TUSC3: variants seen among roughly 807,000 people sequenced by gnomAD.
TUSC3 encodes tumor suppressor candidate 3, also known as dolichyl-diphosphooligosaccharide--protein glycosyltransferase subunit TUSC3.
TUSC3 carries 45 observed loss-of-function variants against 44.8 expected under a neutral mutation model. The ratio of observed to expected loss-of-function variants is 1.00; its 90% CI spans 0.79 to 1.29. The LOEUF is 1.29. TUSC3 is among the 50% of genes most tolerant of loss of function. The pLI is 0.00. For missense variants in TUSC3, 519 were observed against 437.9 expected, an observed-to-expected ratio of 1.19 and a Z score of -1.65; for synonymous variants, 212 against 152.9, an observed-to-expected ratio of 1.39 and a Z score of -2.85.
chr8:15,757,445 T>C (rs942995407), intron 9 of TUSC3, among the ~76,000 whole-genome samples: 5 of 152,176 alleles, frequency 3.3e-5, no homozygotes, highest in African/African-American at 9.6e-5. Flanking sequence ...TATAGCAATT[T>C]TGCATTGATT....
chr8:15,474,267 T>G (rs961044424), intron 1 of TUSC3, among the ~76,000 whole-genome samples: 1 of 152,176 alleles, frequency 6.6e-6, no homozygotes, highest in Non-Finnish European at 1.5e-5. Flanking sequence ...GATTTCATAT[T>G]GTTCAAACAC....
chr8:15,691,082 G>T (rs1808880647), intron 6 of TUSC3, among the ~76,000 whole-genome samples: 1 of 151,606 alleles, frequency 6.6e-6, no homozygotes, highest in African/African-American at 2.4e-5. Flanking sequence ...TGAATTTGTG[G>T]ATTGCTTTGG....
At chr8:15,514,068 G>C (rs1801178651) in intron 2 of TUSC3, among the ~76,000 whole-genome samples, 1 of 152,074 alleles carries the variant, frequency 6.6e-6, no homozygotes, top group African/African-American at 2.4e-5. Context: ...TCCCTTCTAT[G>C]CGCCACCACT....
intron 2 of TUSC3, among the ~76,000 whole-genome samples, chr8:15,524,342 A>G (rs2129129969): frequency 1.3e-5 from 2 of 152,272 alleles, no homozygotes; most frequent in Middle Eastern, 3.4e-3. Context: ...TCATAGACTT[A>G]ATTTTCACTC....
chr8:15,847,609 C>A, the TUSC3 span, among the ~76,000 whole-genome samples: 1 of 152,124 alleles, frequency 6.6e-6, no homozygotes, highest in Non-Finnish European at 1.5e-5. Flanking sequence ...TTTTAAAGTA[C>A]TTTTAAAAAG....
In TUSC3 at chr8:15,446,175, C is replaced by T. The variant is rs185926371; in HGVS notation, n.91+28870C>T. On this transcript the variant is annotated intron_variant and non_coding_transcript_variant, in intron 1 of 5. Coordinates refer to the TUSC3 transcript ENST00000503191. ...GCTCCTCACATCCCAGACGGGGCAT[C>T]GGGGCAGAGGCGCTCCCCACATCTC... Among the ~76,000 whole-genome samples, 976 of 150,750 alleles carry T rather than the reference C, an allele frequency of 6.5e-3. 10 individuals carry two copies. The highest frequency in any genetic ancestry group is 0.022 in the African/African-American group (918 of 40,846).
chr8:15,485,214 T>C (rs1422249242), intron 2 of TUSC3, among the ~76,000 whole-genome samples: 1 of 152,228 alleles, frequency 6.6e-6, no homozygotes, highest in Non-Finnish European at 1.5e-5. Flanking sequence ...TTCCTCTGGC[T>C]GCACTTCTAG....
chr8:15,716,899 G>C (rs999789441), intron 6 of TUSC3, among the ~76,000 whole-genome samples: 1 of 151,560 alleles, frequency 6.6e-6, no homozygotes, highest in Non-Finnish European at 1.5e-5. Context: ...CTTCATTTGA[G>C]AAATTAAAAA....
At chr8:15,787,414 T>C in the TUSC3 span, among the ~76,000 whole-genome samples, 1 of 152,156 alleles carries the variant, frequency 6.6e-6, no homozygotes, top group Non-Finnish European at 1.5e-5. Context: ...CTGCATGAAA[T>C]CCCGTCAACA....
chr8:15,838,120 T>C, the TUSC3 span, among the ~76,000 whole-genome samples: 1 of 152,182 alleles, frequency 6.6e-6, no homozygotes, highest in African/African-American at 2.4e-5. Context: ...CCTGCGAATA[T>C]CACTTGTCTA....
chr8:15,462,596 A>G (rs1047135329), intron 1 of TUSC3, among the ~76,000 whole-genome samples: 3 of 152,124 alleles, frequency 2.0e-5, no homozygotes, highest in Non-Finnish European at 4.4e-5. Flanking sequence ...ACTATTTTGC[A>G]AAGAAGCTAA....
At chr8:15,449,269 T>G (rs571942622) in intron 1 of TUSC3, among the ~76,000 whole-genome samples, 2 of 152,134 alleles carry the variant, frequency 1.3e-5, no homozygotes, top group Non-Finnish European at 2.9e-5. Flanking sequence ...AAAGAAGGAA[T>G]GGGCACATGT....
At chr8:15,795,852 G>C in the TUSC3 span, among the ~76,000 whole-genome samples, 1 of 152,222 alleles carries the variant, frequency 6.6e-6, no homozygotes, top group African/African-American at 2.4e-5. Flanking sequence ...AGGTCAGCCA[G>C]TCCAATCTGT....
At chr8:15,848,410 T>C in the TUSC3 span, among the ~76,000 whole-genome samples, 1 of 152,176 alleles carries the variant, frequency 6.6e-6, no homozygotes, top group African/African-American at 2.4e-5. Flanking sequence ...TGTCTTTCCA[T>C]GCTTTAGACC....
At chr8:15,421,843 A>C (rs979386574) in intron 1 of TUSC3, among the ~76,000 whole-genome samples, 1 of 152,300 alleles carries the variant, frequency 6.6e-6, no homozygotes, top group South Asian at 2.1e-4. Context: ...AAAAAAATTC[A>C]ATTTAAACTA....
At chr8:15,781,861 G>A in the TUSC3 span, among the ~76,000 whole-genome samples, 6 of 152,258 alleles carry the variant, frequency 3.9e-5, no homozygotes, top group East Asian at 1.9e-4. Flanking sequence ...GGATGGGCAC[G>A]GTGGCTCATG....
intron 10 of TUSC3, chr8:15,758,372 C>T: frequency 2.9e-6 from 1 of 348,886 alleles, no homozygotes; most frequent in Non-Finnish European, 4.0e-6. Context: ...AAATTACTGT[C>T]AATTTTATAT....
At chr8:15,608,189 A>T (rs1804614804) in intron 1 of TUSC3, among the ~76,000 whole-genome samples, 1 of 152,140 alleles carries the variant, frequency 6.6e-6, no homozygotes, top group Non-Finnish European at 1.5e-5. Context: ...AATTTTATCC[A>T]TAGCTTCTCT....
intron 1 of TUSC3, among the ~76,000 whole-genome samples, chr8:15,548,415 A>G (rs1206081681): frequency 6.6e-6 from 1 of 151,810 alleles, no homozygotes. Flanking sequence ...GGCTTTGGGA[A>G]AGTTTCCTTC....
Sources: allele counts gnomAD v4.1 joint callset (sites outside exome capture counted in the v4.1 genomes callset), GRCh38; gene constraint gnomAD v4.1.1; transcripts MANE v1.5; gene names NCBI Gene and HGNC (gene_info 2026-07-23, HGNC 2026-07-21).